The following AKAP9 variants were observed in gnomAD, a reference collection of about 807,000 sequenced individuals.
The protein encoded by AKAP9 is A-kinase anchoring protein 9.
A neutral mutation model predicts 488.5 loss-of-function variants in AKAP9; 311 were observed. That is an observed-to-expected ratio of 0.64 (90% CI 0.58 to 0.70). The LOEUF (loss-of-function observed/expected upper bound fraction) is 0.70, where lower values mean the gene tolerates loss of function less well. Among genes scored for constraint, AKAP9 ranks in the 30% least tolerant of loss-of-function variants. AKAP9 has a pLI of 0.00. For missense variants in AKAP9, 4,215 were observed against 4,374.5 expected (o/e 0.96, Z 1.03); for synonymous variants, 1,462 against 1,483.5 (o/e 0.99, Z 0.33).
intron 22 of AKAP9, among the ~76,000 whole-genome samples, chr7:92,057,291 A>G (rs1808954077): frequency 6.6e-6 from 1 of 152,258 alleles, no homozygotes; most frequent in African/African-American, 2.4e-5. Flanking sequence ...TATTTTATAT[A>G]CTTGAATAAC....
At chr7:91,950,481 C>T (rs1400682270) in intron 1 of AKAP9, among the ~76,000 whole-genome samples, 5 of 152,130 alleles carry the variant, frequency 3.3e-5, no homozygotes, top group Admixed American at 2.0e-4. Context: ...CCGCCTGCCT[C>T]GGCCTCCCAA....
chr7:92,006,742 C>T (rs1198495926), intron 8 of AKAP9, among the ~76,000 whole-genome samples: 2 of 152,122 alleles, frequency 1.3e-5, no homozygotes, highest in South Asian at 2.1e-4. Context: ...AAAATAAAAA[C>T]ATCATAGAAG....
intron 3 of AKAP9, among the ~76,000 whole-genome samples, chr7:91,985,701 G>C (rs1186720549): frequency 6.6e-6 from 1 of 152,046 alleles, no homozygotes; most frequent in African/African-American, 2.4e-5. Flanking sequence ...AGGCTGGAGT[G>C]CAGTGGCATG....
rs773700544 is a variant in AKAP9 at position 92,001,393 on chromosome 7, T to C, written c.1476T>C (p.Asn492=). The change falls in exon 8 of 50, where the codon AAT becomes AAC. Residue 492 remains asparagine (N), a synonymous_variant. Coordinates refer to ENST00000356239, the MANE Select transcript of AKAP9 (RefSeq NM_005751.5). ...ATGAAGATCAGATAAAGTTAATGAA[T>C]GTGGCAATAAATGAACTGAATATAA... ...TVNEDQIKLM[N]VAINELNIKL... 1.9e-6 allele frequency: 3 copies of C among 1,613,872 alleles called. No homozygotes were observed. Among genetic ancestry groups the C allele is most frequent in the Non-Finnish European group, 2.5e-6 (3 of 1,179,826 alleles).
chr7:91,992,887 A>C lies in AKAP9; in HGVS notation c.408A>C (p.Glu136Asp). ...TTTAAAATCTTGGATTGATTTAGGA[A>C]GAAGAATTTGGTGTTGATGATTCTT... ...RTGKPTNLLR[E>D]EEFGVDDSYS... The change falls in exon 5 of 50, where the codon GAA becomes GAC. Residue 136 changes from glutamate (E) to aspartate (D), a missense_variant and splice_region_variant. By Grantham distance (45) the Glu-to-Asp change is conservative. Transcript: ENST00000356239. 6.2e-7 allele frequency: 1 copy of C among 1,613,740 alleles called. No homozygotes were observed. Among genetic ancestry groups the C allele is most frequent in the Non-Finnish European group, 8.5e-7 (1 of 1,179,714 alleles).
chr7:91,979,248 C>T (rs541298393), intron 2 of AKAP9, among the ~76,000 whole-genome samples: 47 of 152,208 alleles, frequency 3.1e-4, no homozygotes, highest in African/African-American at 5.8e-4. Context: ...CACAGTTCCA[C>T]GTGGCTGGTG....
intron 28 of AKAP9, among the ~76,000 whole-genome samples, chr7:92,076,301 C>G (rs993640665): frequency 6.6e-6 from 1 of 152,148 alleles, no homozygotes; most frequent in East Asian, 1.9e-4. Flanking sequence ...TTGTATAATT[C>G]ACTTACTCTA....
At chr7:92,104,134 G>C (rs185285827) in intron 46 of AKAP9, among the ~76,000 whole-genome samples, 78 of 151,576 alleles carry the variant, frequency 5.1e-4, no homozygotes, top group African/African-American at 1.8e-3. Flanking sequence ...AAGGAATTTT[G>C]CTTTTTAAAG....
chr7:91,946,348 G>T (rs1437189577), intron 1 of AKAP9, among the ~76,000 whole-genome samples: 1 of 151,572 alleles, frequency 6.6e-6, no homozygotes, highest in East Asian at 1.9e-4. Flanking sequence ...ATTTATTGCA[G>T]CAATAGTGCA....
intron 19 of AKAP9, 59 bp from the exon 20 acceptor site, chr7:92,042,609 C>T (rs970316038): frequency 6.4e-5 from 79 of 1,235,102 alleles, no homozygotes; most frequent in Non-Finnish European, 8.9e-5. Context: ...CATGCTGTTT[C>T]CAAGTTGACA....
At chr7:92,109,184 A>G in intron 49 of AKAP9, 1 of 201,450 alleles carries the variant, frequency 5.0e-6, no homozygotes, top group Non-Finnish European at 1.0e-5. Context: ...GAAAAAAACT[A>G]TCCCATTTAA....
intron 25 of AKAP9, 94 bp downstream of exon 25, chr7:92,065,557 GA>G: frequency 1.1e-6 from 1 of 916,940 alleles, no homozygotes; most frequent in Non-Finnish European, 1.7e-6. Context: ...AAAGACTGTT[GA>G]GTTAGTTTTT....
At chr7:92,029,824 G>A (rs1803924546) in intron 14 of AKAP9, 71 bp from the exon 15 acceptor site, 1 of 1,214,070 alleles carries the variant, frequency 8.2e-7, no homozygotes, top group African/African-American at 1.5e-5. Flanking sequence ...TTTATGTGTG[G>A]TGTAGATTTT....
intron 7 of AKAP9, among the ~76,000 whole-genome samples, chr7:91,998,497 A>G (rs945311746): frequency 1.4e-5 from 2 of 141,606 alleles, no homozygotes; most frequent in African/African-American, 5.2e-5. Flanking sequence ...ACTTTGAAAT[A>G]AGTGATACTA....
At position 91,992,877 on chromosome 7, in the gene AKAP9, T is replaced by G. The variant is rs564051054; in HGVS notation, c.406-8T>G. 2 of 1,613,158 alleles carry G rather than the reference T, an allele frequency of 1.2e-6. No homozygotes were observed. The highest frequency in any genetic ancestry group is 2.7e-5 in the African/African-American group (2 of 75,004). ...TACTGAATTCTTTAAAATCTTGGAT[T>G]GATTTAGGAAGAAGAATTTGGTGTT... is the stretch of plus-strand genomic sequence containing the variant. On this transcript the variant is annotated splice_region_variant and splice_polypyrimidine_tract_variant and intron_variant, in intron 4 of 49. Coordinates refer to ENST00000356239, the MANE Select transcript of AKAP9 (RefSeq NM_005751.5).
At chr7:92,075,799 G>C (rs1415205643) in intron 28 of AKAP9, among the ~76,000 whole-genome samples, 1 of 152,208 alleles carries the variant, frequency 6.6e-6, no homozygotes, top group African/African-American at 2.4e-5. Flanking sequence ...ATACTGTTTA[G>C]GAAATACTAA....
At chr7:92,051,173 C>T (rs933885653) in intron 21 of AKAP9, among the ~76,000 whole-genome samples, 16 of 152,192 alleles carry the variant, frequency 1.1e-4, no homozygotes, top group Non-Finnish European at 2.2e-4. Context: ...TCTTTTAGCT[C>T]TCTCACCTAC....
chr7:92,022,301 G>A lies in AKAP9; in HGVS notation c.3901G>A (p.Glu1301Lys). 2 of 1,613,690 alleles carry A rather than the reference G, an allele frequency of 1.2e-6. No individual in the cohort carries two copies. Among genetic ancestry groups the A allele is most frequent in the Non-Finnish European group, 1.7e-6 (2 of 1,179,724 alleles). ...EFGEENLPKE[E>K]TEFLSIHSQM... The stretch of plus-strand genomic sequence containing the variant: ...TGGAGAAGAAAACCTTCCAAAAGAG[G>A]AAACAGAGTTTTTATCAATCCATTC... Residue 1301 changes from glutamate to lysine, a missense_variant, in exon 13 of 50, where the codon GAA becomes AAA. Glu to Lys is a moderately conservative substitution (Grantham distance 56). Transcript: ENST00000356239.
intron 4 of AKAP9, among the ~76,000 whole-genome samples, chr7:91,992,673 A>AC (rs1224617412): frequency 7.1e-5 from 10 of 141,666 alleles, no homozygotes; most frequent in African/African-American, 2.4e-4. Flanking sequence ...AAAAAAAAAA[A>AC]AAAAAAAAAA....
Sources: gnomAD v4.1 joint callset for allele counts (sites outside exome capture counted in the v4.1 genomes callset) on GRCh38, gnomAD v4.1.1 for gene constraint, MANE v1.5 for transcripts, NCBI Gene and HGNC (gene_info 2026-07-23, HGNC 2026-07-21) for gene names.